MDGA2: variants seen among roughly 807,000 people sequenced by gnomAD.
MDGA2 encodes the protein MAM domain-containing glycosylphosphatidylinositol anchor protein 2.
A neutral mutation model predicts 117.8 loss-of-function variants in MDGA2; 40 were observed. The observed-to-expected ratio is 0.34, with a 90% CI of 0.26 to 0.44. MDGA2 has a LOEUF of 0.44. MDGA2 is among the 20% of genes least tolerant of loss of function. The probability of loss-of-function intolerance (pLI) is 1.00; values close to 1 mark genes in which losing one functional copy is unlikely to be tolerated. For missense variants in MDGA2, 1,123 were observed against 1,250.6 expected, an observed-to-expected ratio of 0.90 and a Z score of 1.54; for synonymous variants, 452 against 439.0, an observed-to-expected ratio of 1.03 and a Z score of -0.37.
At chr14:47,227,646 A>C (rs1886553509) in intron 2 of MDGA2, among the ~76,000 whole-genome samples, 1 of 149,282 alleles carries the variant, frequency 6.7e-6, no homozygotes, top group African/African-American at 2.4e-5. Flanking sequence ...AGCCTGAGAC[A>C]CAGTAATGAT....
chr14:47,260,170 C>T (rs1014420845), intron 2 of MDGA2, among the ~76,000 whole-genome samples: 3 of 151,912 alleles, frequency 2.0e-5, no homozygotes, highest in Admixed American at 6.6e-5. Flanking sequence ...ACTGACCTGC[C>T]TGGAGAAAAT....
At chr14:47,666,815 C>G (rs1897981009) in intron 1 of MDGA2, among the ~76,000 whole-genome samples, 1 of 152,192 alleles carries the variant, frequency 6.6e-6, no homozygotes, top group African/African-American at 2.4e-5. Flanking sequence ...ATAACACTCA[C>G]TGCGAAGGTC....
At chr14:47,386,718 T>A (rs1405700487) in intron 1 of MDGA2, among the ~76,000 whole-genome samples, 1 of 151,974 alleles carries the variant, frequency 6.6e-6, no homozygotes, top group Admixed American at 6.6e-5. Flanking sequence ...AGAAGAAGAA[T>A]CCACTTCCAC....
At chr14:47,335,458 T>C (rs922412012) in intron 1 of MDGA2, among the ~76,000 whole-genome samples, 2 of 151,200 alleles carry the variant, frequency 1.3e-5, no homozygotes, top group East Asian at 4.0e-4. Context: ...GAAGCAATAA[T>C]GCAAAGATCC....
At position 46,875,155 on chromosome 14, in the gene MDGA2, T is replaced by C. The variant is rs1268351367; in HGVS notation, c.2438-955A>G. On this transcript the variant is annotated intron_variant, in intron 12 of 16. Transcript: ENST00000399232. ...TCAGCTATTAAATGATAATGTCAAA[T>C]GGAATCCAAATTCCCTGGAATTCAT... 2.0e-5 allele frequency among the ~76,000 whole-genome samples: 3 copies of C among 151,892 alleles called. No individual in the cohort carries two copies. In the East Asian group the frequency reaches 5.8e-4, roughly 30 times the overall value.
In MDGA2 at chr14:47,131,813, G is replaced by A. The variant is rs577828472; in HGVS notation, c.826C>T (p.Arg276Ter). 1.3e-6 allele frequency: 2 copies of A among 1,591,166 alleles called. No individual in the cohort carries two copies. The highest frequency in any genetic ancestry group is 1.3e-5 in the African/African-American group (1 of 74,750). Reference sequence around the variant, plus strand: ...CTATAATTAGCATAGTCCTGAGGTCGAAGATTCTTTAGTTTTAAGATCTTT... The same window carrying A: ...CTATAATTAGCATAGTCCTGAGGTCAAAGATTCTTTAGTTTTAAGATCTTT... The part of the protein sequence containing the change: ...ETKILKLKNL[R>*]PQDYANYSCI... Residue 276 changes from arginine (R) to a stop codon, truncating the protein, a stop_gained, in exon 5 of 17, where the codon CGA becomes TGA. Coordinates refer to ENST00000399232, the MANE Select transcript of MDGA2 (RefSeq NM_001113498.3). LOFTEE classifies it high-confidence loss of function.
chr14:47,492,686 A>C (rs562204613), intron 1 of MDGA2, among the ~76,000 whole-genome samples: 17 of 152,148 alleles, frequency 1.1e-4, no homozygotes, highest in Non-Finnish European at 2.4e-4. Flanking sequence ...TTACTTTGAC[A>C]GGACAGTTAA....
intron 1 of MDGA2, among the ~76,000 whole-genome samples, chr14:47,335,390 G>C (rs1380432347): frequency 6.6e-6 from 1 of 150,972 alleles, no homozygotes; most frequent in African/African-American, 2.4e-5. Context: ...GCAAAGCCTT[G>C]ATGTAGACGA....
intron 1 of MDGA2, among the ~76,000 whole-genome samples, chr14:47,619,352 T>C (rs1897008665): frequency 6.6e-6 from 1 of 152,146 alleles, no homozygotes; most frequent in South Asian, 2.1e-4. Flanking sequence ...ATCATCACAA[T>C]GAGGTGGGCT....
chr14:47,175,680 C>A (rs955747261), intron 3 of MDGA2, among the ~76,000 whole-genome samples: 2 of 150,348 alleles, frequency 1.3e-5, no homozygotes, highest in East Asian at 1.9e-4. Context: ...ATGACAAACC[C>A]ACAGCCAATA....
intron 2 of MDGA2, among the ~76,000 whole-genome samples, chr14:47,297,581 T>C (rs1483406236): frequency 6.6e-6 from 1 of 152,014 alleles, no homozygotes; most frequent in African/African-American, 2.4e-5. Context: ...CCTGAAGCTG[T>C]AGACATCTAG....
chr14:47,355,324 C>G (rs149961077), intron 1 of MDGA2, among the ~76,000 whole-genome samples: 28 of 152,140 alleles, frequency 1.8e-4, no homozygotes, highest in Admixed American at 1.7e-3. Flanking sequence ...CATTCGCTAA[C>G]GCTGGAAGAT....
intron 3 of MDGA2, among the ~76,000 whole-genome samples, chr14:47,155,170 C>T (rs1489724127): frequency 6.6e-6 from 1 of 152,162 alleles, no homozygotes; most frequent in Non-Finnish European, 1.5e-5. Context: ...CACTTCAGGT[C>T]TCCTGAGACC....
intron 1 of MDGA2, among the ~76,000 whole-genome samples, chr14:47,620,755 C>T (rs1897034827): frequency 6.6e-6 from 1 of 152,126 alleles, no homozygotes. Context: ...AAAGAATGGG[C>T]TTTCAGTCTT....
At chr14:47,431,936 C>T (rs11848995) in intron 1 of MDGA2, among the ~76,000 whole-genome samples, 1 of 152,014 alleles carries the variant, frequency 6.6e-6, no homozygotes, top group East Asian at 1.9e-4. Context: ...TTCAAAGACC[C>T]TTATGAACAA....
intron 2 of MDGA2, among the ~76,000 whole-genome samples, chr14:47,223,424 C>G (rs149491246): frequency 1.4e-4 from 22 of 152,086 alleles, no homozygotes; most frequent in Non-Finnish European, 2.8e-4. Context: ...TGGGCTGTAT[C>G]GTAAACTACT....
intron 1 of MDGA2, among the ~76,000 whole-genome samples, chr14:47,613,479 T>TCTCTCTCACA (rs1023859588): frequency 7.1e-6 from 1 of 141,086 alleles, no homozygotes; most frequent in African/African-American, 2.7e-5. Context: ...TCTCTCTCTC[T>TCTCTCTCACA]CACACACACA....
At chr14:47,569,200 T>C (rs935590138) in intron 1 of MDGA2, among the ~76,000 whole-genome samples, 2 of 152,192 alleles carry the variant, frequency 1.3e-5, no homozygotes, top group Non-Finnish European at 2.9e-5. Context: ...AGATCTTATA[T>C]AAAAACTAAG....
At chr14:47,651,917 C>T (rs1897653408) in intron 1 of MDGA2, among the ~76,000 whole-genome samples, 1 of 152,066 alleles carries the variant, frequency 6.6e-6, no homozygotes, top group Non-Finnish European at 1.5e-5. Flanking sequence ...ACCAAGAGTC[C>T]AGCTTTTGAC....
Sources: gnomAD v4.1 joint callset for allele counts (sites outside exome capture counted in the v4.1 genomes callset) on GRCh38, gnomAD v4.1.1 for gene constraint, MANE v1.5 for transcripts, NCBI Gene and HGNC (gene_info 2026-07-23, HGNC 2026-07-21) for gene names.